LDB3: variants seen among roughly 807,000 people sequenced by gnomAD.
The protein encoded by LDB3 is LIM domain binding 3, also known as LIM domain-binding protein 3.
LDB3 carries 49 observed loss-of-function variants against 69.0 expected under a neutral mutation model. The ratio of observed to expected loss-of-function variants is 0.71; its 90% CI spans 0.56 to 0.90. The LOEUF (loss-of-function observed/expected upper bound fraction) is 0.90. Ranked by LOEUF, LDB3 falls within the 40% of genes least tolerant of loss-of-function variation. The pLI, the probability that LDB3 is intolerant of heterozygous loss-of-function variation, is 0.00. For missense variants in LDB3, 928 were observed against 974.1 expected (o/e 0.95, Z 0.63); for synonymous variants, 387 against 396.2 (o/e 0.98, Z 0.28).
At chr10:86,708,354 G>A (rs1331396648) in intron 8 of LDB3, among the ~76,000 whole-genome samples, 1 of 152,212 alleles carries the variant, frequency 6.6e-6, no homozygotes, top group African/African-American at 2.4e-5. Flanking sequence ...GGGAGGTGGG[G>A]GAGCCCATGG....
intron 5 of LDB3, among the ~76,000 whole-genome samples, chr10:86,688,954 C>CCTATT (rs1265639105): frequency 2.6e-5 from 4 of 152,290 alleles, no homozygotes; most frequent in African/African-American, 9.6e-5. Flanking sequence ...CCATCCCCTC[C>CCTATT]CTATTCCTCC....
At chr10:86,709,809 C>G (rs2132465661) in intron 8 of LDB3, 96 bp from the exon 9 acceptor site, 1 of 1,381,110 alleles carries the variant, frequency 7.2e-7, no homozygotes, top group East Asian at 2.3e-5. Flanking sequence ...GGTGTCCTCA[C>G]AGAGGCTTCT....
intron 6 of LDB3, 90 bp downstream of exon 6, chr10:86,692,155 T>C: frequency 7.0e-7 from 1 of 1,429,154 alleles, no homozygotes; most frequent in South Asian, 1.2e-5. Context: ...AGCCAGGGAG[T>C]CCTGCTACCT....
At chr10:86,683,871 C>T (rs879501158) in intron 5 of LDB3, among the ~76,000 whole-genome samples, 1 of 152,198 alleles carries the variant, frequency 6.6e-6, no homozygotes, top group Non-Finnish European at 1.5e-5. Context: ...ACTCATGACC[C>T]GTTCAGTCTG....
At chr10:86,676,564 C>CAAAAA (rs71487272) in intron 2 of LDB3, among the ~76,000 whole-genome samples, 1 of 109,750 alleles carries the variant, frequency 9.1e-6, no homozygotes. Flanking sequence ...GACCCTGTCT[C>CAAAAA]AAAAAAAAAA....
intron 10 of LDB3, among the ~76,000 whole-genome samples, chr10:86,717,708 A>G (rs974108021): frequency 1.3e-5 from 2 of 152,272 alleles, no homozygotes; most frequent in Admixed American, 6.5e-5. Context: ...TCAGTGGTCA[A>G]CTGAATTCTA....
chr10:86,676,975 A>C (rs1034007180), intron 2 of LDB3, among the ~76,000 whole-genome samples: 65 of 152,224 alleles, frequency 4.3e-4, no homozygotes, highest in African/African-American at 1.4e-3. Flanking sequence ...CCTTGGCCTG[A>C]ATCTAGCTTC....
At chr10:86,667,285 C>T (rs34499525), upstream of LDB3, among the ~76,000 whole-genome samples, 2 of 152,108 alleles carry the variant, frequency 1.3e-5, no homozygotes, top group Non-Finnish European at 2.9e-5. Context: ...TCTACTGACT[C>T]CTCAGGGTCC....
rs1846726522 is a variant in LDB3, at chr10:86,713,061, C to G, written c.1231+3011C>G. Among the ~76,000 whole-genome samples, 4 of 132,498 alleles carry G rather than the reference C, an allele frequency of 3.0e-5. 1 individual carries two copies. In the South Asian group the frequency reaches 9.5e-4, roughly 32 times the overall value. 86.9% of individuals were successfully genotyped at this position (132,498 alleles called of 152,430 possible). On this transcript the variant is annotated intron_variant, in intron 9 of 13. Coordinates refer to ENST00000361373, the MANE Select transcript of LDB3 (RefSeq NM_007078.3). ...TGGGCGACAGAGCAAGGCTCCGTCT[C>G]AAAAATATATATATATATATATAAT...
At chr10:86,722,559 C>CTTTTTTTT (rs1181539611) in intron 12 of LDB3, among the ~76,000 whole-genome samples, 1 of 55,226 alleles carries the variant, frequency 1.8e-5, no homozygotes, top group Non-Finnish European at 3.3e-5. Context: ...CGTGCCTGGC[C>CTTTTTTTT]TTTTTTTTTT....
chr10:86,706,751 T>G, intron 8 of LDB3, 32 bp downstream of exon 8: 1 of 1,586,770 alleles, frequency 6.3e-7, no homozygotes, highest in Non-Finnish European at 8.6e-7. Flanking sequence ...GGCCTGACCC[T>G]GGGGAAGGGA....
intron 5 of LDB3, chr10:86,685,676 A>G: frequency 6.2e-7 from 1 of 1,613,996 alleles, no homozygotes; most frequent in Non-Finnish European, 8.5e-7. Flanking sequence ...TTTCCTCCCC[A>G]GGTGGTAGTC....
At chr10:86,696,401 C>T (rs1281777803) in intron 7 of LDB3, among the ~76,000 whole-genome samples, 1 of 152,232 alleles carries the variant, frequency 6.6e-6, no homozygotes, top group African/African-American at 2.4e-5. Context: ...GGATGTTGCC[C>T]CAGGTGCCGC....
At chr10:86,726,448 C>A in intron 13 of LDB3, 196 bp downstream of exon 13, 3 of 623,818 alleles carry the variant, frequency 4.8e-6, no homozygotes, top group Non-Finnish European at 8.7e-6. Flanking sequence ...TATTTATAAA[C>A]CAATGTGGCT....
At chr10:86,697,464 ACCAG>A (rs199558055) in intron 7 of LDB3, among the ~76,000 whole-genome samples, 1,795 of 148,554 alleles carry the variant, frequency 0.012, 41 homozygotes, top group African/African-American at 0.041. Context: ...CAAGTGATCC[ACCAG>A]CCTCGGTCTC....
At chr10:86,682,705 T>C (rs1472047884) in intron 5 of LDB3, among the ~76,000 whole-genome samples, 1 of 152,178 alleles carries the variant, frequency 6.6e-6, no homozygotes, top group Non-Finnish European at 1.5e-5. Context: ...AATCACACTG[T>C]CCATGTCTCA....
At chr10:86,711,144 A>T (rs1846638620) in intron 9 of LDB3, among the ~76,000 whole-genome samples, 1 of 152,168 alleles carries the variant, frequency 6.6e-6, no homozygotes, top group Non-Finnish European at 1.5e-5. Flanking sequence ...GAGTTGGAGG[A>T]GAAGCGGCGG....
At position 86,668,611 on chromosome 10, in the gene LDB3, G is replaced by A. The variant is rs45578532; in HGVS notation, c.-24+41G>A. The A allele has an allele frequency of 2.0e-4, 213 of 1,091,212 alleles. No individual in the cohort carries two copies. The highest frequency in any genetic ancestry group is 2.3e-4 in the Non-Finnish European group (160 of 705,866). The allele number at this position is 1,091,212 out of a possible 1,614,324, so 67.6% of individuals were successfully genotyped here. A position where few individuals can be genotyped will look rare whatever the true frequency, so the allele number is the denominator to read the frequency against. On this transcript the variant is annotated intron_variant, in intron 1 of 13. Transcript: ENST00000361373. ...AGGGGCAGGGGCAGAGGTGTGGACCGGGCAGGCGGAGTGCCTGAGTGCCCT... is the reference window on the plus strand; with the variant it reads ...AGGGGCAGGGGCAGAGGTGTGGACCAGGCAGGCGGAGTGCCTGAGTGCCCT...
At chr10:86,715,526 G>A (rs935764550) in intron 9 of LDB3, among the ~76,000 whole-genome samples, 4 of 152,098 alleles carry the variant, frequency 2.6e-5, no homozygotes, top group South Asian at 4.1e-4. Context: ...GAAGTGAGGT[G>A]GTGCATTCTC....
Sources: gnomAD v4.1 joint callset for allele counts (sites outside exome capture counted in the v4.1 genomes callset) on GRCh38, gnomAD v4.1.1 for gene constraint, MANE v1.5 for transcripts, NCBI Gene and HGNC (gene_info 2026-07-23, HGNC 2026-07-21) for gene names.